IKZF3: variants seen among roughly 807,000 people sequenced by gnomAD.
The protein encoded by IKZF3 is IKAROS family zinc finger 3.
Under a neutral mutation model 49.0 loss-of-function variants are expected in IKZF3, and 10 were observed. The observed-to-expected ratio is 0.20, with a 90% CI of 0.13 to 0.35. IKZF3 has a LOEUF of 0.35. Among genes scored for constraint, IKZF3 ranks in the 10% least tolerant of loss-of-function variants. IKZF3 has a pLI of 1.00. For synonymous variants in IKZF3, 209 were observed against 228.2 expected (o/e 0.92, Z 0.76); for missense variants, 498 against 664.8 (o/e 0.75, Z 2.76).
At chr17:39,777,506 G>T in intron 7 of IKZF3, 145 bp downstream of exon 7, 1 of 573,890 alleles carries the variant, frequency 1.7e-6, no homozygotes, top group Non-Finnish European at 3.1e-6. Flanking sequence ...CTATCAGAAT[G>T]AACCATGAAG....
chr17:39,804,964 C>T (rs557461320), intron 3 of IKZF3, among the ~76,000 whole-genome samples: 1 of 152,274 alleles, frequency 6.6e-6, no homozygotes, highest in African/African-American at 2.4e-5. Context: ...TCCGGTAGAC[C>T]TGGAAAGCCA....
At position 39,761,892 on chromosome 17, in the gene IKZF3, T is replaced by TG. The variant is rs1350847976; in HGVS notation, c.*3897dup. On this transcript the variant is annotated 3_prime_UTR_variant, in exon 8 of 8. Transcript: ENST00000346872. ...GCTAATTTTGTATTTTTAGTAGAGA[T>TG]GGGGGTTTCTCCATGTTGGTCAGGC... The TG allele has an allele frequency of 2.6e-5, 4 of 152,390 alleles. No homozygotes were observed. Among genetic ancestry groups the TG allele is most frequent in the South Asian group, 2.1e-4 (1 of 4,830 alleles). 9.4% of individuals were successfully genotyped at this position (152,390 alleles called of 1,614,324 possible).
intron 1 of IKZF3, among the ~76,000 whole-genome samples, chr17:39,854,017 T>G (rs577197974): frequency 1.3e-5 from 2 of 152,196 alleles, no homozygotes; most frequent in South Asian, 4.1e-4. Context: ...TCCCAGCTAC[T>G]CAGGAGGCTG....
chr17:39,766,304 C>T lies in IKZF3; in HGVS notation c.1016G>A (p.Ser339Asn). The change falls in exon 8 of 8, where the codon AGC (serine) becomes AAC (asparagine). Residue 339 changes from serine (S) to asparagine (N), a missense_variant. Physicochemically the swap from Ser to Asn is conservative, Grantham distance 46. This residue lies in a region of IKZF3 where 317 missense variants were observed against 397.3 expected (regional missense o/e 0.80). Transcript: ENST00000346872. ...APTSEMVPVI[S>N]SMYPIALTRA... ...GGTGAGGGCTATGGGATACATGCTG[C>T]TGATAACTGGAACCATCTCCGAGGT... 6.2e-7 allele frequency: 1 copy of T among 1,614,192 alleles called. No homozygotes were observed. Among genetic ancestry groups the T allele is most frequent in the Non-Finnish European group, 8.5e-7 (1 of 1,180,024 alleles).
intron 1 of IKZF3, among the ~76,000 whole-genome samples, chr17:39,840,801 T>C (rs1335088494): frequency 6.6e-6 from 1 of 152,062 alleles, no homozygotes; most frequent in East Asian, 1.9e-4. Flanking sequence ...ATGCAATGAA[T>C]AGGGGTAGCC....
intron 6 of IKZF3, chr17:39,778,231 A>G: frequency 4.2e-6 from 4 of 960,390 alleles, no homozygotes; most frequent in Non-Finnish European, 5.0e-6. Flanking sequence ...GAAAATAGGT[A>G]CACTCACACA....
intron 2 of IKZF3, among the ~76,000 whole-genome samples, chr17:39,830,147 A>C (rs1022057273): frequency 6.6e-6 from 1 of 152,232 alleles, no homozygotes; most frequent in Non-Finnish European, 1.5e-5. Flanking sequence ...AGTGACCAGA[A>C]ATACTAAGCG....
chr17:39,805,947 T>C (rs1053991293), intron 3 of IKZF3, among the ~76,000 whole-genome samples: 2 of 152,216 alleles, frequency 1.3e-5, no homozygotes, highest in African/African-American at 2.4e-5. Flanking sequence ...TCAAGTAATA[T>C]TGGATGGGTA....
intron 6 of IKZF3, among the ~76,000 whole-genome samples, chr17:39,780,706 G>T (rs924083759): frequency 6.6e-6 from 1 of 151,684 alleles, no homozygotes; most frequent in Middle Eastern, 3.2e-3. Flanking sequence ...ATCTGGCTCT[G>T]CCAGGTGTGG....
intron 3 of IKZF3, among the ~76,000 whole-genome samples, chr17:39,812,786 T>C (rs1233179378): frequency 6.6e-6 from 1 of 152,164 alleles, no homozygotes; most frequent in Non-Finnish European, 1.5e-5. Context: ...GCACCAACAC[T>C]ACTGCTTAAC....
intron 1 of IKZF3, among the ~76,000 whole-genome samples, chr17:39,838,064 T>C (rs1053734542): frequency 6.6e-6 from 1 of 152,254 alleles, no homozygotes; most frequent in Non-Finnish European, 1.5e-5. Context: ...CTTTCAGCAG[T>C]TTGACCATAA....
At chr17:39,798,996 C>CAT (rs1555631870) in intron 3 of IKZF3, among the ~76,000 whole-genome samples, 7 of 148,982 alleles carry the variant, frequency 4.7e-5, no homozygotes, top group Non-Finnish European at 7.4e-5. Flanking sequence ...TGTGTGTGTG[C>CAT]GTGTGTGTGT....
intron 1 of IKZF3, 144 bp downstream of exon 1, chr17:39,863,976 T>C: frequency 1.8e-6 from 2 of 1,097,808 alleles, no homozygotes; most frequent in East Asian, 2.4e-5. Context: ...CCGACGCGCT[T>C]TGTCCTCTGA....
chr17:39,862,973 G>T (rs1327905209), intron 1 of IKZF3, among the ~76,000 whole-genome samples: 2 of 152,042 alleles, frequency 1.3e-5, no homozygotes, highest in Non-Finnish European at 2.9e-5. Flanking sequence ...GTTACGGCTA[G>T]GAAAAATAGT....
At chr17:39,802,619 A>AG (rs1402191906) in intron 3 of IKZF3, among the ~76,000 whole-genome samples, 31 of 151,640 alleles carry the variant, frequency 2.0e-4, no homozygotes, top group African/African-American at 7.3e-4. Flanking sequence ...AAAAAAAAAA[A>AG]AGAAAAAAAA....
At chr17:39,812,024 A>G (rs1299986884) in intron 3 of IKZF3, among the ~76,000 whole-genome samples, 1 of 152,224 alleles carries the variant, frequency 6.6e-6, no homozygotes, top group African/African-American at 2.4e-5. Flanking sequence ...TTGCTTCAAG[A>G]TCATTTGGGT....
intron 1 of IKZF3, among the ~76,000 whole-genome samples, chr17:39,845,152 CT>C (rs913239340): frequency 6.6e-6 from 1 of 152,128 alleles, no homozygotes; most frequent in African/African-American, 2.4e-5. Context: ...GTTTTTACAT[CT>C]TTAAATGGTT....
intron 3 of IKZF3, among the ~76,000 whole-genome samples, chr17:39,819,414 A>G (rs1436372007): frequency 6.6e-6 from 1 of 152,094 alleles, no homozygotes; most frequent in Admixed American, 6.6e-5. Flanking sequence ...TCTGAGTGAG[A>G]CTCCATGGAT....
chr17:39,775,075 A>G (rs1241437596), intron 7 of IKZF3, among the ~76,000 whole-genome samples: 15 of 152,168 alleles, frequency 9.9e-5, no homozygotes, highest in Non-Finnish European at 2.9e-5. Flanking sequence ...CAGATGAGTA[A>G]AGAGAGGCCC....
Sources: allele counts gnomAD v4.1 joint callset (sites outside exome capture counted in the v4.1 genomes callset), GRCh38; gene constraint gnomAD v4.1.1; regional missense constraint gnomAD v4.1.1; transcripts MANE v1.5; gene names NCBI Gene and HGNC (gene_info 2026-07-23, HGNC 2026-07-21).